SYT1: variants seen among roughly 807,000 people sequenced by gnomAD.
The protein encoded by SYT1 is synaptotagmin-1.
SYT1 carries 8 observed loss-of-function variants against 44.8 expected under a neutral mutation model. The observed-to-expected ratio is 0.18, with a 90% CI of 0.10 to 0.32. The LOEUF is 0.32. Among genes scored for constraint, SYT1 ranks in the 10% least tolerant of loss-of-function variants. The pLI is 1.00. For missense variants in SYT1, 286 were observed against 509.3 expected (o/e 0.56, Z 4.22); for synonymous variants, 154 against 188.8 (o/e 0.82, Z 1.51).
At chr12:79,135,466 C>T (rs1869130292) in intron 3 of SYT1, among the ~76,000 whole-genome samples, 1 of 152,136 alleles carries the variant, frequency 6.6e-6, no homozygotes, top group South Asian at 2.1e-4. Flanking sequence ...TACCATGTTC[C>T]TATTGTAAAG....
intron 2 of SYT1, among the ~76,000 whole-genome samples, chr12:79,017,137 C>A (rs1459914014): frequency 2.0e-5 from 3 of 152,128 alleles, no homozygotes; most frequent in Non-Finnish European, 4.4e-5. Context: ...AAGTCAGCTA[C>A]CTGAGAACTG....
At chr12:79,333,377 C>T (rs1881945489) in intron 8 of SYT1, among the ~76,000 whole-genome samples, 1 of 152,142 alleles carries the variant, frequency 6.6e-6, no homozygotes, top group Non-Finnish European at 1.5e-5. Context: ...ACCTAATCAC[C>T]TCCCATTGGC....
rs184001820 is a variant in SYT1 at position 79,192,575 on chromosome 12, G to C, written c.-17-24928G>C. Among the ~76,000 whole-genome samples the C allele has an allele frequency of 9.2e-5, 14 of 152,212 alleles. No individual in the cohort carries two copies. The East Asian group carries it at 1.2e-3, about 13-fold the overall frequency. On this transcript the variant is annotated intron_variant, in intron 3 of 10. Transcript: ENST00000261205. The stretch of plus-strand genomic sequence containing the variant: ...TTAATATCTACAATGTGGAGGGTGG[G>C]GAAAGGATGCAAAGGAGGAAGAGAC...
At chr12:79,010,738 C>T (rs992939682) in intron 2 of SYT1, among the ~76,000 whole-genome samples, 2 of 152,160 alleles carry the variant, frequency 1.3e-5, no homozygotes, top group Non-Finnish European at 2.9e-5. Context: ...CAAGTCATCC[C>T]TATGGAAGTT....
chr12:79,315,625 G>A lies in SYT1; in HGVS notation c.810+16074G>A, dbSNP rs546991862. On this transcript the variant is annotated intron_variant, in intron 8 of 10. Transcript: ENST00000261205. ...GGTGTGCTGGAAATGTCTTTCCTGGGGCTGTTTCAAAAGTTTTGGGATATT... is the reference window on the plus strand; with the variant it reads ...GGTGTGCTGGAAATGTCTTTCCTGGAGCTGTTTCAAAAGTTTTGGGATATT... 2.6e-4 allele frequency among the ~76,000 whole-genome samples: 39 copies of A among 152,218 alleles called. 1 individual carries two copies. In the South Asian group the frequency reaches 7.7e-3, roughly 30 times the overall value.
At chr12:79,267,439 T>G (rs1321908226) in intron 4 of SYT1, among the ~76,000 whole-genome samples, 1 of 152,106 alleles carries the variant, frequency 6.6e-6, no homozygotes. Context: ...CAAATACAAA[T>G]TGGGTCAGAA....
In SYT1 at chr12:78,978,604, C is replaced by T. The variant is rs532908540; in HGVS notation, c.-84+673C>T. Reference sequence around the variant, plus strand: ...ATCAAATTACTCCTTTGGTCTAAGTCATTTCTAACACACTTTTATTAGGCA... The same window carrying T: ...ATCAAATTACTCCTTTGGTCTAAGTTATTTCTAACACACTTTTATTAGGCA... On this transcript the variant is annotated intron_variant, in intron 2 of 10. Transcript: ENST00000261205. 3.3e-5 allele frequency among the ~76,000 whole-genome samples: 5 copies of T among 152,292 alleles called. No individual in the cohort carries two copies. In the South Asian group the frequency reaches 1.0e-3, roughly 32 times the overall value.
chr12:79,198,776 A>G (rs906801283), intron 3 of SYT1, among the ~76,000 whole-genome samples: 4 of 152,186 alleles, frequency 2.6e-5, no homozygotes, highest in African/African-American at 9.7e-5. Flanking sequence ...TTCATGTGGG[A>G]AGAAATTGCT....
chr12:79,137,092 CT>C (rs550391525), intron 3 of SYT1, among the ~76,000 whole-genome samples: 2,855 of 144,986 alleles, frequency 0.02, 90 homozygotes, highest in African/African-American at 0.063. Context: ...ATACTTGGAA[CT>C]TTTTTTTTTT....
At position 79,173,042 on chromosome 12, in the gene SYT1, C is replaced by CAGAAAAGG. The variant is rs577450284; in HGVS notation, c.-17-44460_-17-44453dup. 2.4e-4 allele frequency among the ~76,000 whole-genome samples: 29 copies of CAGAAAAGG among 119,694 alleles called. No individual in the cohort carries two copies. The South Asian group carries it at 7.9e-3, about 33-fold the overall frequency. 78.5% of individuals were successfully genotyped at this position (119,694 alleles called of 152,430 possible). A position where few individuals can be genotyped will look rare whatever the true frequency, so the allele number is the denominator to read the frequency against. On this transcript the variant is annotated intron_variant, in intron 3 of 10. Coordinates refer to ENST00000261205, the MANE Select transcript of SYT1 (RefSeq NM_005639.3). ...CCTGTCCAGAAATAAAATAATGTGG[C>CAGAAAAGG]AGAAAAGGTATATAAAACCTCTTGA...
chr12:78,955,121 T>C (rs1879143143), intron 1 of SYT1, among the ~76,000 whole-genome samples: 1 of 152,168 alleles, frequency 6.6e-6, no homozygotes, highest in Admixed American at 6.6e-5. Context: ...TTTTTTGATG[T>C]CATTAATGCC....
intron 2 of SYT1, among the ~76,000 whole-genome samples, chr12:79,028,363 A>T (rs1872649275): frequency 6.6e-6 from 1 of 151,464 alleles, no homozygotes; most frequent in South Asian, 2.1e-4. Flanking sequence ...CATGTTGCTG[A>T]CTAATCTAAT....
At chr12:78,872,421 A>T (rs555218539) in intron 1 of SYT1, among the ~76,000 whole-genome samples, 5 of 151,924 alleles carry the variant, frequency 3.3e-5, no homozygotes, top group Admixed American at 2.0e-4. Context: ...ACACATAGCA[A>T]CAGTTTTATT....
At position 79,204,206 on chromosome 12, in the gene SYT1, A is replaced by G. The variant is rs1873961175; in HGVS notation, c.-17-13297A>G. Among the ~76,000 whole-genome samples, 6 of 152,266 alleles carry G rather than the reference A, an allele frequency of 3.9e-5. No homozygotes were observed. In the South Asian group the frequency reaches 1.2e-3, roughly 31 times the overall value. The stretch of plus-strand genomic sequence containing the variant: ...GTTTAAAGCACTTATAATAATGTCT[A>G]GGTAATAGTATAGCTTAATAAATGT... On this transcript the variant is annotated intron_variant, in intron 3 of 10. Coordinates refer to ENST00000261205, the MANE Select transcript of SYT1 (RefSeq NM_005639.3).
At chr12:79,061,737 C>T (rs1706001965) in intron 3 of SYT1, among the ~76,000 whole-genome samples, 1 of 152,146 alleles carries the variant, frequency 6.6e-6, no homozygotes, top group African/African-American at 2.4e-5. Flanking sequence ...CCTTACATGA[C>T]TTCCTTCCAT....
At chr12:79,431,827 G>T (rs1292716016) in intron 9 of SYT1, among the ~76,000 whole-genome samples, 1 of 152,154 alleles carries the variant, frequency 6.6e-6, no homozygotes, top group Non-Finnish European at 1.5e-5. Context: ...ACAGGCATGA[G>T]CCACCATGAC....
At chr12:79,107,297 G>A (rs1437803752) in intron 3 of SYT1, among the ~76,000 whole-genome samples, 1 of 151,870 alleles carries the variant, frequency 6.6e-6, no homozygotes, top group East Asian at 1.9e-4. Flanking sequence ...TTGATATAGT[G>A]TTTGTATAAT....
At chr12:78,981,168 C>T (rs192677871) in intron 2 of SYT1, among the ~76,000 whole-genome samples, 1 of 130,390 alleles carries the variant, frequency 7.7e-6, no homozygotes, top group East Asian at 2.2e-4. Flanking sequence ...GCTCATGTTG[C>T]GCAGGCTGGA....
In SYT1 at chr12:79,365,597, T is replaced by A. The variant is rs984716744; in HGVS notation, c.928+11978T>A. Among the ~76,000 whole-genome samples the A allele has an allele frequency of 3.9e-5, 6 of 152,064 alleles. 1 individual carries two copies. Among genetic ancestry groups the A allele is most frequent in the Admixed American group, 3.3e-4 (5 of 15,260 alleles). ...CTGTAATACAAAGAGTTTCTACATA[T>A]CAGTGAGAAAGAAAAGCAATAGGAG... On this transcript the variant is annotated intron_variant, in intron 9 of 10. Transcript: ENST00000261205.
Sources: allele counts gnomAD v4.1 joint callset (sites outside exome capture counted in the v4.1 genomes callset), GRCh38; gene constraint gnomAD v4.1.1; transcripts MANE v1.5; gene names NCBI Gene and HGNC (gene_info 2026-07-23, HGNC 2026-07-21).